Variants in SORD observed in about 807,000 individuals in gnomAD.
SORD encodes (R,R)-butanediol dehydrogenase.
SORD carries 18 observed loss-of-function variants against 35.6 expected under a neutral mutation model. The observed-to-expected ratio is 0.51, with a 90% CI of 0.35 to 0.75. SORD has a LOEUF of 0.75. Among genes scored for constraint, SORD ranks in the 30% least tolerant of loss-of-function variants. The probability of loss-of-function intolerance (pLI) is 0.01; values close to 1 mark genes in which losing one functional copy is unlikely to be tolerated. For synonymous variants in SORD, 106 were observed against 152.9 expected (o/e 0.69, Z 2.26); for missense variants, 250 against 390.2 (o/e 0.64, Z 3.03).
At position 45,069,004 on chromosome 15, in the gene SORD, C is replaced by G; in HGVS notation, c.738C>G (p.Val246=). ...VEGQLGCKPE[V]TIECTGAEAS... ...GTCAGCTGGGGTGCAAGCCGGAAGTCACCATCGAGTGCACGGGGGCAGAGG... is the reference window on the plus strand; with the variant it reads ...GTCAGCTGGGGTGCAAGCCGGAAGTGACCATCGAGTGCACGGGGGCAGAGG... The change falls in exon 7 of 9, where the codon GTC becomes GTG. Residue 246 remains valine (V), a synonymous_variant. Transcript: ENST00000267814. The G allele has an allele frequency of 1.9e-6, 3 of 1,611,700 alleles. No homozygotes were observed. Among genetic ancestry groups the G allele is most frequent in the Non-Finnish European group, 2.5e-6 (3 of 1,179,406 alleles).
intron 5 of SORD, among the ~76,000 whole-genome samples, chr15:45,065,845 G>A (rs1893396454): frequency 6.6e-6 from 1 of 152,108 alleles, no homozygotes; most frequent in African/African-American, 2.4e-5. Context: ...ACTTGAGCCT[G>A]GGAGGTCAAG....
chr15:45,034,957 A>G (rs966180949), intron 1 of SORD, among the ~76,000 whole-genome samples: 6 of 152,264 alleles, frequency 3.9e-5, no homozygotes, highest in Non-Finnish European at 8.8e-5. Flanking sequence ...GTTCCCGGGC[A>G]ATGAGGGGCT....
chr15:45,035,584 G>A (rs965780973), intron 1 of SORD, among the ~76,000 whole-genome samples: 2 of 152,130 alleles, frequency 1.3e-5, no homozygotes, highest in Non-Finnish European at 2.9e-5. Context: ...GGCCAGATAA[G>A]AGAATAAAAG....
At chr15:45,046,579 C>A (rs1283752083) in intron 3 of SORD, among the ~76,000 whole-genome samples, 4 of 152,206 alleles carry the variant, frequency 2.6e-5, no homozygotes, top group African/African-American at 9.6e-5. Flanking sequence ...ATAAAGATTT[C>A]TGTGGGTCCT....
At chr15:45,056,627 G>A (rs1893221537) in intron 3 of SORD, among the ~76,000 whole-genome samples, 1 of 152,162 alleles carries the variant, frequency 6.6e-6, no homozygotes, top group Non-Finnish European at 1.5e-5. Context: ...TTTAATAGTA[G>A]GGGAGTAGAG....
At chr15:45,061,010 G>C in intron 3 of SORD, 57 bp from the exon 4 acceptor site, 1 of 1,610,232 alleles carries the variant, frequency 6.2e-7, no homozygotes, top group Non-Finnish European at 8.5e-7. Flanking sequence ...AGACCAAAGA[G>C]CGGGCAGACT....
In SORD at chr15:45,065,183, G is replaced by C; in HGVS notation, c.426-88G>C. The C allele has an allele frequency of 2.5e-6, 3 of 1,216,300 alleles. No individual in the cohort carries two copies. In the East Asian group the frequency reaches 7.1e-5, roughly 29 times the overall value. The allele number at this position is 1,216,300 out of a possible 1,614,324, so 75.3% of individuals were successfully genotyped here. ...TGCTCGATAAATGCTAGCTATGGTT[G>C]TTATTACAGTGACATTGGGCATATA... On this transcript the variant is annotated intron_variant, in intron 4 of 8. Coordinates refer to ENST00000267814, the MANE Select transcript of SORD (RefSeq NM_003104.6).
At chr15:45,069,398 G>T (rs752558245) in intron 7 of SORD, among the ~76,000 whole-genome samples, 1 of 151,604 alleles carries the variant, frequency 6.6e-6, no homozygotes, top group Non-Finnish European at 1.5e-5. Flanking sequence ...TTTTAGAAGA[G>T]ATGGGGTTTC....
intron 4 of SORD, among the ~76,000 whole-genome samples, chr15:45,063,252 G>T (rs1220930974): frequency 6.6e-6 from 1 of 151,786 alleles, no homozygotes; most frequent in Admixed American, 6.6e-5. Context: ...CTTTATTTTT[G>T]TATCTATTTT....
At chr15:45,046,840 A>G (rs370920776) in intron 3 of SORD, among the ~76,000 whole-genome samples, 39 of 152,278 alleles carry the variant, frequency 2.6e-4, no homozygotes, top group African/African-American at 9.1e-4. Flanking sequence ...CAACATGGTG[A>G]AACCCCATCT....
At chr15:45,038,167 CCTTCCTTCCT>C (rs1466314325) in intron 1 of SORD, among the ~76,000 whole-genome samples, 14 of 148,228 alleles carry the variant, frequency 9.4e-5, no homozygotes, top group Non-Finnish European at 2.1e-4. Context: ...TTCCTTCCTT[CCTTCCTTCCT>C]TCCTTCCTTC....
intron 3 of SORD, among the ~76,000 whole-genome samples, chr15:45,049,146 C>T (rs1159960940): frequency 6.6e-6 from 1 of 152,220 alleles, no homozygotes; most frequent in Non-Finnish European, 1.5e-5. Flanking sequence ...TCTGTGCCTG[C>T]AGCTTGATTT....
At chr15:45,061,340 G>A (rs941773982) in intron 4 of SORD, 114 bp downstream of exon 4, 2 of 1,154,802 alleles carry the variant, frequency 1.7e-6, no homozygotes, top group Non-Finnish European at 2.5e-6. Flanking sequence ...CAAACATGAG[G>A]CATCACCTGG....
At position 45,065,259 on chromosome 15, in the gene SORD, T is replaced by C. The variant is rs767679549; in HGVS notation, c.426-12T>C. 2 of 1,599,090 alleles carry C rather than the reference T, an allele frequency of 1.3e-6. No homozygotes were observed. The highest frequency in any genetic ancestry group is 1.1e-5 in the South Asian group (1 of 89,722). ...AACTCAGAGGATCTCTGTGTGTCAA[T>C]TGACTCCTCAGGCTTCCTGACAATG... On this transcript the variant is annotated splice_polypyrimidine_tract_variant and intron_variant, in intron 4 of 8. Transcript: ENST00000267814.
chr15:45,046,643 G>T (rs546150568), intron 3 of SORD, among the ~76,000 whole-genome samples: 24 of 152,170 alleles, frequency 1.6e-4, no homozygotes, highest in African/African-American at 5.1e-4. Flanking sequence ...ATGTTAACTT[G>T]GACTTAAAAT....
chr15:45,067,169 C>T (rs933165886), intron 5 of SORD, among the ~76,000 whole-genome samples: 3 of 152,136 alleles, frequency 2.0e-5, no homozygotes, highest in Admixed American at 1.3e-4. Context: ...TGAGACCAGC[C>T]TGGCCAACAT....
chr15:45,062,039 A>C (rs1205966517), intron 4 of SORD, among the ~76,000 whole-genome samples: 1 of 151,974 alleles, frequency 6.6e-6, no homozygotes, highest in Non-Finnish European at 1.5e-5. Flanking sequence ...TCTCTGATTC[A>C]GTTTCATTTA....
intron 3 of SORD, among the ~76,000 whole-genome samples, chr15:45,052,209 A>G (rs1893135381): frequency 6.6e-6 from 1 of 152,204 alleles, no homozygotes; most frequent in African/African-American, 2.4e-5. Flanking sequence ...GCAAAGCCTG[A>G]TATGTGAGGA....
chr15:45,049,004 C>G (rs1893087575), intron 3 of SORD, among the ~76,000 whole-genome samples: 1 of 152,162 alleles, frequency 6.6e-6, no homozygotes, highest in Non-Finnish European at 1.5e-5. Context: ...TAGGCAAGCC[C>G]CTGCCCACCC....
Sources: allele counts gnomAD v4.1 joint callset (sites outside exome capture counted in the v4.1 genomes callset), GRCh38; gene constraint gnomAD v4.1.1; transcripts MANE v1.5; gene names NCBI Gene and HGNC (gene_info 2026-07-23, HGNC 2026-07-21).